Variants in CHML observed in about 807,000 individuals in gnomAD.
The protein encoded by CHML is CHM like Rab escort protein.
Under a neutral mutation model 30.4 loss-of-function variants are expected in CHML, and 20 were observed. The ratio of observed to expected loss-of-function variants is 0.66; its 90% CI spans 0.46 to 0.95. The LOEUF (loss-of-function observed/expected upper bound fraction) is 0.95. Ranked by LOEUF, CHML falls within the 40% of genes least tolerant of loss-of-function variation. CHML has a pLI of 0.00. For synonymous variants in CHML, 281 were observed against 275.0 expected (o/e 1.02, Z -0.22); for missense variants, 795 against 768.5 (o/e 1.03, Z -0.41).
rs1446211221 is a variant in CHML, at chr1:241,629,692, T to C, written c.*4104A>G. On this transcript the variant is annotated 3_prime_UTR_variant, in exon 2 of 2. Transcript: ENST00000366553. The stretch of plus-strand genomic sequence containing the variant: ...CACTATTGGTGTGAGACTTGTAGTA[T>C]TTTTCTTTTTATACTTAACATTTTA... The C allele has an allele frequency of 6.6e-6, 1 of 152,160 alleles. No homozygotes were observed. The highest frequency in any genetic ancestry group is 1.9e-4 in the East Asian group (1 of 5,198). 9.4% of individuals were successfully genotyped at this position (152,160 alleles called of 1,614,324 possible). A position where few individuals can be genotyped will look rare whatever the true frequency, so the allele number is the denominator to read the frequency against.
chr1:241,634,982 A>T lies in CHML; in HGVS notation c.785T>A (p.Val262Asp), dbSNP rs1558447892. ...DVSRYVEFKNVTRILAFREGK... is the reference protein window; with the variant it reads ...DVSRYVEFKNDTRILAFREGK... The stretch of plus-strand genomic sequence containing the variant: ...TTCCCGAAATGCAAGAATCCTAGTG[A>T]CATTTTTAAATTCTACATAACGACT... Residue 262 changes from valine to aspartate, a missense_variant, in exon 2 of 2, where the codon GTC becomes GAC. Coordinates refer to ENST00000366553, the MANE Select transcript of CHML (RefSeq NM_001381853.1). 3 of 1,613,684 alleles carry T rather than the reference A, an allele frequency of 1.9e-6. No homozygotes were observed. The highest frequency in any genetic ancestry group is 2.5e-6 in the Non-Finnish European group (3 of 1,179,846).
chr1:241,634,606 C>G lies in CHML; in HGVS notation c.1161G>C (p.Gln387His). 1 of 1,613,814 alleles carries G rather than the reference C, an allele frequency of 6.2e-7. No individual in the cohort carries two copies. Among genetic ancestry groups the G allele is most frequent in the Non-Finnish European group, 8.5e-7 (1 of 1,179,868 alleles). The change falls in exon 2 of 2, where the codon CAG (glutamine) becomes CAC (histidine). Residue 387 changes from glutamine (Q) to histidine (H), a missense_variant. By Grantham distance (24) the Gln-to-His change is conservative. Coordinates refer to ENST00000366553, the MANE Select transcript of CHML (RefSeq NM_001381853.1). ...FPLYGQGEIP[Q>H]GFCRMCAVFG... ...AAACTGCACACATCCTACAGAAACC[C>G]TGGGGAATTTCTCCTTGGCCATACA...
chr1:241,638,365 A>G (rs73139033), intron 1 of CHML, among the ~76,000 whole-genome samples: 13,145 of 152,208 alleles, frequency 0.086, 649 homozygotes, highest in African/African-American at 0.13. Context: ...TAGCACTTAT[A>G]AAGAACTCAG....
At chr1:241,639,218 C>A (rs1158475020) in intron 1 of CHML, 1 of 152,218 alleles carries the variant, frequency 6.6e-6, no homozygotes, top group African/African-American at 2.4e-5. Flanking sequence ...TGTAATCTCA[C>A]CCAAGATTCT....
At chr1:241,637,413 C>CT (rs1328876017) in intron 1 of CHML, among the ~76,000 whole-genome samples, 1 of 152,188 alleles carries the variant, frequency 6.6e-6, no homozygotes, top group Non-Finnish European at 1.5e-5. Flanking sequence ...AAGCCAGGAA[C>CT]TAAGTACAGA....
In CHML at chr1:241,632,823, A is replaced by T. The variant is rs1179543762; in HGVS notation, c.*973T>A. The T allele has an allele frequency of 2.0e-5, 3 of 152,176 alleles. No homozygotes were observed. In the East Asian group the frequency reaches 5.8e-4, roughly 29 times the overall value. The allele number at this position is 152,176 out of a possible 1,614,324, so 9.4% of individuals were successfully genotyped here. On this transcript the variant is annotated 3_prime_UTR_variant, in exon 2 of 2. Coordinates refer to ENST00000366553, the MANE Select transcript of CHML (RefSeq NM_001381853.1). ...CTGAAAAACCTTGGGTAATCTATTT[A>T]TAGAGGGTTTTATAAGTATCTGTAA...
At position 241,640,315 on chromosome 1, in the gene CHML, C is replaced by G; in HGVS notation, c.-741G>C. The G allele has an allele frequency of 9.1e-7, 1 of 1,097,932 alleles. No homozygotes were observed. Among genetic ancestry groups the G allele is most frequent in the African/African-American group, 1.7e-5 (1 of 59,788 alleles). The allele number at this position is 1,097,932 out of a possible 1,614,324, so 68.0% of individuals were successfully genotyped here. A position where few individuals can be genotyped will look rare whatever the true frequency, so the allele number is the denominator to read the frequency against. On this transcript the variant is annotated 5_prime_UTR_variant, in exon 1 of 2. Coordinates refer to ENST00000366553, the MANE Select transcript of CHML (RefSeq NM_001381853.1). ...TCAGCTTGCGGCGGGGCTCGCGGCG[C>G]GCTCCGCACTGGGTGGGGTTGGGGC...
In CHML at chr1:241,634,710, T is replaced by C. The variant is rs1664806390; in HGVS notation, c.1057A>G (p.Thr353Ala). ...TTAGTTGCGTTAAGACCATCTATTG[T>C]AGTGCAAGATGATTCTGATGTCATT... ...IAMTSESSCT[T>A]IDGLNATKNF... Residue 353 changes from threonine (T) to alanine (A), a missense_variant, in exon 2 of 2, where the codon ACA becomes GCA. Physicochemically the swap from Thr to Ala is moderately conservative, Grantham distance 58. Transcript: ENST00000366553. 3.7e-6 allele frequency: 6 copies of C among 1,613,898 alleles called. No homozygotes were observed. Among genetic ancestry groups the C allele is most frequent in the Admixed American group, 1.7e-5 (1 of 59,998 alleles).
At position 241,631,857 on chromosome 1, in the gene CHML, T is replaced by C. The variant is rs1460304726; in HGVS notation, c.*1939A>G. ...ACTAATTTTCGTGGGCACTTTCTCT[T>C]TCTCCTGCAGCGCCTACACTCTCTA... On this transcript the variant is annotated 3_prime_UTR_variant, in exon 2 of 2. Coordinates refer to ENST00000366553, the MANE Select transcript of CHML (RefSeq NM_001381853.1). 2 of 152,068 alleles carry C rather than the reference T, an allele frequency of 1.3e-5. No homozygotes were observed. Among genetic ancestry groups the C allele is most frequent in the African/African-American group, 4.8e-5 (2 of 41,392 alleles). The allele number at this position is 152,068 out of a possible 1,614,324, so 9.4% of individuals were successfully genotyped here. A position where few individuals can be genotyped will look rare whatever the true frequency, so the allele number is the denominator to read the frequency against.
In CHML at chr1:241,635,181, C is replaced by G. The variant is rs1278028469; in HGVS notation, c.586G>C (p.Gly196Arg). The G allele has an allele frequency of 6.2e-7, 1 of 1,613,010 alleles. No homozygotes were observed. The highest frequency in any genetic ancestry group is 8.5e-7 in the Non-Finnish European group (1 of 1,179,884). Residue 196 changes from glycine to arginine, a missense_variant, in exon 2 of 2, where the codon GGA becomes CGA. Coordinates refer to ENST00000366553, the MANE Select transcript of CHML (RefSeq NM_001381853.1). ...GTAGATTTGCTTTCATCTTTATCTC[C>G]ATCTTTATCTGAAACTGTGTGCATA... ...TCMHTVSDKD[G>R]DKDESKSTVE...
rs1318920385 is a variant in CHML at position 241,635,072 on chromosome 1, T to A, written c.695A>T (p.Asp232Val). Residue 232 changes from aspartate (D) to valine (V), a missense_variant, in exon 2 of 2, where the codon GAT (aspartate) becomes GTT (valine). Physicochemically the swap from Asp to Val is radical, Grantham distance 152. Transcript: ENST00000366553. ...AGAATACAGCAGTTTTGACACCAAA[T>A]CAATATTAAACCTCCTGCCTTCTTT... ...IVKEGRRFNI[D>V]LVSKLLYSQG... The A allele has an allele frequency of 6.2e-7, 1 of 1,612,934 alleles. No homozygotes were observed. The highest frequency in any genetic ancestry group is 8.5e-7 in the Non-Finnish European group (1 of 1,179,794).
chr1:241,632,723 T>C lies in CHML; in HGVS notation c.*1073A>G, dbSNP rs1664693048. 3 of 152,282 alleles carry C rather than the reference T, an allele frequency of 2.0e-5. No homozygotes were observed. The Middle Eastern group carries it at 0.01, about 518-fold the overall frequency. 9.4% of individuals were successfully genotyped at this position (152,282 alleles called of 1,614,324 possible). A position where few individuals can be genotyped will look rare whatever the true frequency, so the allele number is the denominator to read the frequency against. On this transcript the variant is annotated 3_prime_UTR_variant, in exon 2 of 2. Coordinates refer to ENST00000366553, the MANE Select transcript of CHML (RefSeq NM_001381853.1). ...AAGGGCATGGTAAATCCTCCTTTGA[T>C]TCATTCCTATCAGTTATGTTATAGT...
At position 241,634,285 on chromosome 1, in the gene CHML, T is replaced by C. The variant is rs757288530; in HGVS notation, c.1482A>G (p.Leu494=). 6.2e-7 allele frequency: 1 copy of C among 1,613,962 alleles called. No individual in the cohort carries two copies. Among genetic ancestry groups the C allele is most frequent in the South Asian group, 1.1e-5 (1 of 91,078 alleles). ...TCATGCATGTCATGGTTGAAGAACA[T>C]AATTCTGTGACCCGTACAGCACAAG... ...PGACAVRVTE[L]CSSTMTCMKD... The change falls in exon 2 of 2, where the codon TTA becomes TTG. Residue 494 remains leucine, a synonymous_variant. Coordinates refer to ENST00000366553, the MANE Select transcript of CHML (RefSeq NM_001381853.1).
rs2148018983 is a variant in CHML at position 241,628,914 on chromosome 1, AG to A, written c.*4881del. On this transcript the variant is annotated 3_prime_UTR_variant, in exon 2 of 2. Transcript: ENST00000366553. ...ATTGCATACATCAATATTTAACAGA[AG>A]AAAAATAAAGAACCCCTAATGTTAA... The A allele has an allele frequency of 6.5e-6, 1 of 152,738 alleles. No homozygotes were observed. The highest frequency in any genetic ancestry group is 2.4e-5 in the African/African-American group (1 of 41,578). 9.5% of individuals were successfully genotyped at this position (152,738 alleles called of 1,614,324 possible). A position where few individuals can be genotyped will look rare whatever the true frequency, so the allele number is the denominator to read the frequency against.
chr1:241,639,902 C>A lies in CHML; in HGVS notation c.-328G>T. 2 of 1,591,606 alleles carry A rather than the reference C, an allele frequency of 1.3e-6. No homozygotes were observed. Among genetic ancestry groups the A allele is most frequent in the Non-Finnish European group, 8.6e-7 (1 of 1,169,394 alleles). ...CTCACCGAAGAGGCTGCCGCTAAACCCGTCCCACACGCAGCCCACGGTGTC... is the reference window on the plus strand; with the variant it reads ...CTCACCGAAGAGGCTGCCGCTAAACACGTCCCACACGCAGCCCACGGTGTC... On this transcript the variant is annotated 5_prime_UTR_variant, in exon 1 of 2. Transcript: ENST00000366553.
rs546228598 is a variant in CHML, at chr1:241,633,377, G to A, written c.*419C>T. ...ACCATTTGTGTATGTTTCACTATTCGAACAGGCCGCAGCAACTGTAACAGC... is the reference window on the plus strand; with the variant it reads ...ACCATTTGTGTATGTTTCACTATTCAAACAGGCCGCAGCAACTGTAACAGC... On this transcript the variant is annotated 3_prime_UTR_variant, in exon 2 of 2. Transcript: ENST00000366553. 9.1e-5 allele frequency: 15 copies of A among 164,830 alleles called. No individual in the cohort carries two copies. Among genetic ancestry groups the A allele is most frequent in the Non-Finnish European group, 2.0e-4 (15 of 75,606 alleles). The allele number at this position is 164,830 out of a possible 1,614,324, so 10.2% of individuals were successfully genotyped here. A position where few individuals can be genotyped will look rare whatever the true frequency, so the allele number is the denominator to read the frequency against.
rs541860479 is a variant in CHML at position 241,636,436 on chromosome 1, T to C, written c.-307-363A>G. Among the ~76,000 whole-genome samples, 7 of 152,382 alleles carry C rather than the reference T, an allele frequency of 4.6e-5. No homozygotes were observed. The East Asian group carries it at 1.3e-3, about 29-fold the overall frequency. On this transcript the variant is annotated intron_variant, in intron 1 of 1. Coordinates refer to ENST00000366553, the MANE Select transcript of CHML (RefSeq NM_001381853.1). The stretch of plus-strand genomic sequence containing the variant: ...AAGGAACGCATGGCTCCACTGTTTA[T>C]AGAAACAGATTATAAACTATGTGCA...
rs1308656737 is a variant in CHML at position 241,632,896 on chromosome 1, G to C, written c.*900C>G. On this transcript the variant is annotated 3_prime_UTR_variant, in exon 2 of 2. Coordinates refer to ENST00000366553, the MANE Select transcript of CHML (RefSeq NM_001381853.1). ...TCTGTTTCTCCTTAGGAATTCCTAA[G>C]AATTCCTCCTTAGGAATTTCAGAAC... The C allele has an allele frequency of 6.6e-6, 1 of 152,068 alleles. No individual in the cohort carries two copies. Among genetic ancestry groups the C allele is most frequent in the Non-Finnish European group, 1.5e-5 (1 of 67,976 alleles). The allele number at this position is 152,068 out of a possible 1,614,324, so 9.4% of individuals were successfully genotyped here.
rs1664836824 is a variant in CHML at position 241,635,171 on chromosome 1, T to C, written c.596A>G (p.Asp199Gly). 6.2e-7 allele frequency: 1 copy of C among 1,613,034 alleles called. No individual in the cohort carries two copies. Among genetic ancestry groups the C allele is most frequent in the Non-Finnish European group, 8.5e-7 (1 of 1,179,922 alleles). The change falls in exon 2 of 2, where the codon GAT becomes GGT. Residue 199 changes from aspartate (D) to glycine (G), a missense_variant. Physicochemically the swap from Asp to Gly is moderately conservative, Grantham distance 94. Coordinates refer to ENST00000366553, the MANE Select transcript of CHML (RefSeq NM_001381853.1). ...ATCTTCTACTGTAGATTTGCTTTCA[T>C]CTTTATCTCCATCTTTATCTGAAAC... ...HTVSDKDGDKDESKSTVEDKA... is the reference protein window; with the variant it reads ...HTVSDKDGDKGESKSTVEDKA...
Sources: gnomAD v4.1 joint callset for allele counts (sites outside exome capture counted in the v4.1 genomes callset) on GRCh38, gnomAD v4.1.1 for gene constraint, MANE v1.5 for transcripts, NCBI Gene and HGNC (gene_info 2026-07-23, HGNC 2026-07-21) for gene names.